SIPA1L2: variants seen among roughly 807,000 people sequenced by gnomAD.
SIPA1L2 encodes signal-induced proliferation-associated 1-like protein 2.
In SIPA1L2, 56 loss-of-function variants were observed where a neutral mutation model predicts 163.9. That is an observed-to-expected ratio of 0.34 (90% CI 0.28 to 0.43). The LOEUF is 0.43. Ranked by LOEUF, SIPA1L2 falls within the 20% of genes least tolerant of loss-of-function variation. The probability of loss-of-function intolerance (pLI) is 1.00; values close to 1 mark genes in which losing one functional copy is unlikely to be tolerated. For missense variants in SIPA1L2, 1,974 were observed against 2,193.5 expected (o/e 0.90, Z 2.00); for synonymous variants, 877 against 865.7 (o/e 1.01, Z -0.23).
At chr1:232,624,520 T>G (rs1466120110) in intron 1 of SIPA1L2, among the ~76,000 whole-genome samples, 1 of 152,240 alleles carries the variant, frequency 6.6e-6, no homozygotes, top group African/African-American at 2.4e-5. Flanking sequence ...ATAGTTCATC[T>G]CAGCAGACAT....
intron 2 of SIPA1L2, among the ~76,000 whole-genome samples, chr1:232,540,731 GAGA>G (rs1257209034): frequency 2.0e-5 from 3 of 152,140 alleles, no homozygotes; most frequent in Non-Finnish European, 4.4e-5. Flanking sequence ...ATGCAAGAGA[GAGA>G]GAGAAAGGAA....
At chr1:232,438,288 G>C (rs1425499933) in intron 15 of SIPA1L2, among the ~76,000 whole-genome samples, 1 of 152,106 alleles carries the variant, frequency 6.6e-6, no homozygotes, top group Admixed American at 6.5e-5. Context: ...CAGCATTGTG[G>C]GCAGGAGTCA....
chr1:232,553,758 G>C (rs1260785621), intron 2 of SIPA1L2, among the ~76,000 whole-genome samples: 2 of 151,992 alleles, frequency 1.3e-5, no homozygotes, highest in Non-Finnish European at 2.9e-5. Flanking sequence ...TTAAAAATTG[G>C]TCTTTTCTGT....
intron 1 of SIPA1L2, among the ~76,000 whole-genome samples, chr1:232,582,421 T>C (rs1660429578): frequency 6.6e-6 from 1 of 151,706 alleles, no homozygotes; most frequent in Non-Finnish European, 1.5e-5. Context: ...TAGTTTTCTA[T>C]ACCTGCATTG....
intron 19 of SIPA1L2, among the ~76,000 whole-genome samples, chr1:232,409,625 C>T (rs1660834225): frequency 6.6e-6 from 1 of 152,160 alleles, no homozygotes. Context: ...TTCCTTAAGC[C>T]CCCATGTGAA....
rs79514704 is a variant in SIPA1L2 at position 232,505,838 on chromosome 1, G to A, written c.1483+8019C>T. Among the ~76,000 whole-genome samples, 979 of 152,230 alleles carry A rather than the reference G, an allele frequency of 6.4e-3. 14 individuals are homozygous for A. The highest frequency in any genetic ancestry group is 0.022 in the African/African-American group (934 of 41,526). ...ATTATGTCTTCAGAGGGAGGAATGT[G>A]TATCTTAGAATAGTACTATTGTTAG... On this transcript the variant is annotated intron_variant, in intron 3 of 22. Transcript: ENST00000674635.
intron 7 of SIPA1L2, among the ~76,000 whole-genome samples, chr1:232,472,594 G>C (rs1664854228): frequency 6.6e-6 from 1 of 152,290 alleles, no homozygotes; most frequent in Middle Eastern, 3.4e-3. Context: ...TGAAGGCATA[G>C]ATTTGTGCTC....
At chr1:232,501,753 A>G (rs192740634) in intron 3 of SIPA1L2, among the ~76,000 whole-genome samples, 1 of 152,304 alleles carries the variant, frequency 6.6e-6, no homozygotes, top group Non-Finnish European at 1.5e-5. Flanking sequence ...CACTCCCCTA[A>G]GCCCTTATCC....
chr1:232,490,148 T>C (rs1348982314), intron 5 of SIPA1L2, among the ~76,000 whole-genome samples: 1 of 152,120 alleles, frequency 6.6e-6, no homozygotes, highest in Non-Finnish European at 1.5e-5. Context: ...GTCTCATTTG[T>C]TCTAGTCTCG....
chr1:232,483,307 G>T (rs1217615780), intron 6 of SIPA1L2, among the ~76,000 whole-genome samples: 2 of 151,754 alleles, frequency 1.3e-5, no homozygotes, highest in African/African-American at 4.8e-5. Context: ...GTTATAAGGG[G>T]ATATTGTGTG....
intron 10 of SIPA1L2, among the ~76,000 whole-genome samples, chr1:232,455,253 T>C (rs1374909472): frequency 6.6e-6 from 1 of 152,214 alleles, no homozygotes; most frequent in East Asian, 1.9e-4. Flanking sequence ...TAACTAATTT[T>C]TATTATCCAT....
chr1:232,542,415 C>T (rs1308289640), intron 2 of SIPA1L2, among the ~76,000 whole-genome samples: 1 of 152,182 alleles, frequency 6.6e-6, no homozygotes, highest in African/African-American at 2.4e-5. Flanking sequence ...AGTGCACTCT[C>T]ATAGACAGTG....
chr1:232,422,534 C>A (rs752523893), intron 18 of SIPA1L2, among the ~76,000 whole-genome samples: 2 of 152,096 alleles, frequency 1.3e-5, no homozygotes, highest in Non-Finnish European at 2.9e-5. Flanking sequence ...GCCCTGCTAC[C>A]CTCCCTCCAA....
At chr1:232,509,508 TATCTCAA>T (rs1009158021) in intron 3 of SIPA1L2, among the ~76,000 whole-genome samples, 2 of 152,188 alleles carry the variant, frequency 1.3e-5, no homozygotes, top group Non-Finnish European at 2.9e-5. Context: ...AGAAAAAAGC[TATCTCAA>T]AAACATCGTT....
chr1:232,533,220 C>G (rs1657090625), intron 2 of SIPA1L2, among the ~76,000 whole-genome samples: 1 of 152,116 alleles, frequency 6.6e-6, no homozygotes, highest in Non-Finnish European at 1.5e-5. Flanking sequence ...TCAGGTGTTT[C>G]TAGTGTTGAT....
At chr1:232,611,525 G>T (rs902301996) in intron 1 of SIPA1L2, among the ~76,000 whole-genome samples, 5 of 152,300 alleles carry the variant, frequency 3.3e-5, no homozygotes, top group Middle Eastern at 3.4e-3. Context: ...CTCAAAGGAA[G>T]ATGAGGAACT....
In SIPA1L2 at chr1:232,432,453, T is replaced by C. The variant is rs144198489; in HGVS notation, c.4050A>G (p.Gly1350=). The part of the protein sequence containing the change: ...SSHSSGSHHS[G]SPSAHCSKSS... ...TTTTTGAACAGTGAGCTGAAGGGCT[T>C]CCTGAATGGTGAGAACCACTGAGGA... The change falls in exon 16 of 23, where the codon GGA becomes GGG. Residue 1350 remains glycine, a synonymous_variant. Coordinates refer to ENST00000674635, the MANE Select transcript of SIPA1L2 (RefSeq NM_020808.5). The C allele has an allele frequency of 4.3e-5, 70 of 1,614,202 alleles. No homozygotes were observed. Among genetic ancestry groups the C allele is most frequent in the Non-Finnish European group, 5.6e-5 (66 of 1,180,028 alleles).
In SIPA1L2 at chr1:232,502,028, T is replaced by C. The variant is rs145419904; in HGVS notation, c.1484-8368A>G. Among the ~76,000 whole-genome samples, 251 of 152,348 alleles carry C rather than the reference T, an allele frequency of 1.6e-3. 1 individual carries two copies. Among genetic ancestry groups the C allele is most frequent in the African/African-American group, 5.2e-3 (218 of 41,586 alleles). ...TTCTGGAAGGGGAAGAGATAACATG[T>C]TTTCAATTTGCCTTATTTAACCAGC... On this transcript the variant is annotated intron_variant, in intron 3 of 22. Coordinates refer to ENST00000674635, the MANE Select transcript of SIPA1L2 (RefSeq NM_020808.5).
Position 232,445,514 on chromosome 1 carries a change from C to T in SIPA1L2, c.3353+15G>A, listed in dbSNP as rs766861689. The T allele has an allele frequency of 1.7e-5, 27 of 1,613,048 alleles. No individual in the cohort carries two copies. The highest frequency in any genetic ancestry group is 6.7e-5 in the African/African-American group (5 of 74,898). ...TTTACAAGGGCCCCCCTTGAGGAAA[C>T]GGAACCAGCATTACCTCGTGCCATC... is the stretch of plus-strand genomic sequence containing the variant. On this transcript the variant is annotated intron_variant, in intron 11 of 22. Coordinates refer to ENST00000674635, the MANE Select transcript of SIPA1L2 (RefSeq NM_020808.5).
Sources: allele counts gnomAD v4.1 joint callset (sites outside exome capture counted in the v4.1 genomes callset), GRCh38; gene constraint gnomAD v4.1.1; transcripts MANE v1.5; gene names NCBI Gene and HGNC (gene_info 2026-07-23, HGNC 2026-07-21).